Variants in RFX3 observed in about 807,000 individuals in gnomAD.
RFX3 encodes the protein transcription factor RFX3.
In RFX3, 14 loss-of-function variants were observed where a neutral mutation model predicts 98.6. That is an observed-to-expected ratio of 0.14 (90% CI 0.09 to 0.22). RFX3 has a LOEUF of 0.22. Ranked by LOEUF, RFX3 falls within the 10% of genes least tolerant of loss-of-function variation. The probability of loss-of-function intolerance (pLI) is 1.00; values close to 1 mark genes in which losing one functional copy is unlikely to be tolerated. For missense variants in RFX3, 639 were observed against 926.9 expected (o/e 0.69, Z 4.03); for synonymous variants, 383 against 328.4 (o/e 1.17, Z -1.80).
chr9:3,481,852 C>A (rs1242665799), intron 1 of RFX3, among the ~76,000 whole-genome samples: 1 of 149,324 alleles, frequency 6.7e-6, no homozygotes, highest in Non-Finnish European at 1.5e-5. Flanking sequence ...TTCAACTATT[C>A]GATTGCCAAA....
At chr9:3,467,069 A>C (rs1288765478) in intron 1 of RFX3, among the ~76,000 whole-genome samples, 1 of 141,336 alleles carries the variant, frequency 7.1e-6, no homozygotes, top group South Asian at 2.1e-4. Flanking sequence ...CATATATATA[A>C]GTATATATGT....
At chr9:3,334,500 A>G (rs910359934) in intron 3 of RFX3, among the ~76,000 whole-genome samples, 2 of 152,240 alleles carry the variant, frequency 1.3e-5, no homozygotes, top group Non-Finnish European at 2.9e-5. Flanking sequence ...CATCACAGAT[A>G]TATGAAATAT....
chr9:3,364,443 G>C (rs1836814524), intron 2 of RFX3: 2 of 258,834 alleles, frequency 7.7e-6, no homozygotes, highest in Non-Finnish European at 1.5e-5. Flanking sequence ...AAGTTAATTT[G>C]AAGGGCCACA....
At chr9:3,293,289 A>C (rs758361854) in intron 5 of RFX3, 31 bp from the exon 6 acceptor site, 1 of 1,530,404 alleles carries the variant, frequency 6.5e-7, no homozygotes, top group Non-Finnish European at 8.8e-7. Flanking sequence ...AAACACAGAC[A>C]AATCACATAA....
intron 2 of RFX3, among the ~76,000 whole-genome samples, chr9:3,392,221 A>G (rs1840390174): frequency 6.6e-6 from 1 of 152,182 alleles, no homozygotes; most frequent in African/African-American, 2.4e-5. Flanking sequence ...ACAGATTGTC[A>G]GACATCAGAG....
intron 1 of RFX3, among the ~76,000 whole-genome samples, chr9:3,428,642 T>A (rs866104033): frequency 5.8e-4 from 89 of 152,236 alleles, no homozygotes; most frequent in African/African-American, 2.0e-3. Flanking sequence ...ATTTCCCAAT[T>A]TTTGAAGTTA....
At chr9:3,229,608 G>A (rs1818225781) in intron 15 of RFX3, among the ~76,000 whole-genome samples, 1 of 152,146 alleles carries the variant, frequency 6.6e-6, no homozygotes, top group Non-Finnish European at 1.5e-5. Context: ...ATCTCAGGGT[G>A]AACAAAGATG....
At chr9:3,399,420 G>T (rs764578423) in intron 1 of RFX3, among the ~76,000 whole-genome samples, 14 of 151,780 alleles carry the variant, frequency 9.2e-5, no homozygotes, top group Non-Finnish European at 1.6e-4. Flanking sequence ...CTCCAGCCTG[G>T]GCGACAAGAC....
intron 2 of RFX3, among the ~76,000 whole-genome samples, chr9:3,363,285 A>G (rs1346460285): frequency 6.6e-6 from 1 of 152,228 alleles, no homozygotes; most frequent in Non-Finnish European, 1.5e-5. Flanking sequence ...TAAAATATCA[A>G]TAAATGTATG....
At chr9:3,358,309 T>C (rs1836011142) in intron 2 of RFX3, among the ~76,000 whole-genome samples, 1 of 152,148 alleles carries the variant, frequency 6.6e-6, no homozygotes, top group Non-Finnish European at 1.5e-5. Context: ...TGTCTTTATG[T>C]CTGTGAAAAT....
At chr9:3,475,380 G>C (rs1849147425) in intron 1 of RFX3, among the ~76,000 whole-genome samples, 1 of 151,236 alleles carries the variant, frequency 6.6e-6, no homozygotes. Flanking sequence ...ATGCCAGGCT[G>C]TGCTGTTATT....
chr9:3,491,589 G>A, intron 1 of RFX3, among the ~76,000 whole-genome samples: 1 of 152,046 alleles, frequency 6.6e-6, no homozygotes, highest in South Asian at 2.1e-4. Flanking sequence ...GAAAATTTTA[G>A]GCCAGTCTAC....
rs1307479569 is a variant in RFX3 at position 3,223,226 on chromosome 9, G to C, written c.*1816C>G. 6.6e-6 allele frequency: 1 copy of C among 152,060 alleles called. No homozygotes were observed. The highest frequency in any genetic ancestry group is 1.5e-5 in the Non-Finnish European group (1 of 68,016). 9.4% of individuals were successfully genotyped at this position (152,060 alleles called of 1,614,324 possible). ...TTTTTTACAACTATTTAAATGAACA[G>C]ATGTGCCTTTCTTGTGTTTTAATCA... On this transcript the variant is annotated 3_prime_UTR_variant, in exon 17 of 17. Coordinates refer to ENST00000617270, the MANE Select transcript of RFX3 (RefSeq NM_001282116.2).
chr9:3,230,705 TACTTAAC>T (rs1487797978), intron 15 of RFX3, among the ~76,000 whole-genome samples: 1 of 152,192 alleles, frequency 6.6e-6, no homozygotes, highest in Non-Finnish European at 1.5e-5. Context: ...TTTAAGGGAA[TACTTAAC>T]ACTTAAGTTC....
intron 15 of RFX3, 64 bp from the exon 16 acceptor site, chr9:3,228,953 G>C (rs556346779): frequency 3.1e-5 from 44 of 1,426,132 alleles, no homozygotes; most frequent in South Asian, 3.8e-5. Context: ...TACTCTATCA[G>C]TCTGTAGTAA....
At chr9:3,353,327 C>A (rs1048455064) in intron 2 of RFX3, among the ~76,000 whole-genome samples, 12 of 151,546 alleles carry the variant, frequency 7.9e-5, no homozygotes, top group Admixed American at 1.3e-4. Flanking sequence ...TGCACATGTA[C>A]CCTAAAACTT....
At chr9:3,457,092 G>A (rs1022651378) in intron 1 of RFX3, among the ~76,000 whole-genome samples, 1 of 120,300 alleles carries the variant, frequency 8.3e-6, no homozygotes, top group African/African-American at 3.2e-5. Context: ...TGTGAACCGA[G>A]ATCGCACCAC....
chr9:3,437,892 A>C (rs978106264), intron 1 of RFX3, among the ~76,000 whole-genome samples: 3 of 152,052 alleles, frequency 2.0e-5, no homozygotes, highest in African/African-American at 7.2e-5. Context: ...TTTTTGAAAA[A>C]TATATTCTAC....
At chr9:3,508,398 A>C (rs1817326922) in intron 1 of RFX3, among the ~76,000 whole-genome samples, 1 of 151,998 alleles carries the variant, frequency 6.6e-6, no homozygotes, top group African/African-American at 2.4e-5. Flanking sequence ...TATCAGAAAT[A>C]TAGTTCAATC....
Sources: gnomAD v4.1 joint callset for allele counts (sites outside exome capture counted in the v4.1 genomes callset) on GRCh38, gnomAD v4.1.1 for gene constraint, MANE v1.5 for transcripts, NCBI Gene and HGNC (gene_info 2026-07-23, HGNC 2026-07-21) for gene names.